Variants in SLC30A8 observed in about 807,000 individuals in gnomAD.
The protein encoded by SLC30A8 is solute carrier family 30 member 8, also known as proton-coupled zinc antiporter SLC30A8.
Under a neutral mutation model 36.9 loss-of-function variants are expected in SLC30A8, and 27 were observed. That is an observed-to-expected ratio of 0.73 (90% confidence interval 0.54 to 1.01). The LOEUF is 1.01. SLC30A8 is among the 50% of genes least tolerant of loss of function. The probability of loss-of-function intolerance (pLI) is 0.00; values close to 1 mark genes in which losing one functional copy is unlikely to be tolerated. For synonymous variants in SLC30A8, 164 were observed against 172.4 expected, an observed-to-expected ratio of 0.95 and a Z score of 0.38; for missense variants, 439 against 452.0, an observed-to-expected ratio of 0.97 and a Z score of 0.26.
chr8:116,977,520 T>G (rs1194211885), intron 1 of SLC30A8, among the ~76,000 whole-genome samples: 4 of 148,218 alleles, frequency 2.7e-5, no homozygotes, highest in African/African-American at 1.0e-4. Flanking sequence ...CTTTTTTTTT[T>G]TTTTTTTTTG....
chr8:117,053,575 T>C (rs1374597963), intron 2 of SLC30A8, among the ~76,000 whole-genome samples: 1 of 152,210 alleles, frequency 6.6e-6, no homozygotes, highest in East Asian at 1.9e-4. Flanking sequence ...TCTATTATAA[T>C]AGTCTTTATT....
intron 2 of SLC30A8, among the ~76,000 whole-genome samples, chr8:117,051,823 A>T (rs1256851873): frequency 6.6e-6 from 1 of 151,786 alleles, no homozygotes; most frequent in African/African-American, 2.4e-5. Context: ...AAAATAAAAA[A>T]AAATAAAAAA....
At chr8:116,950,518 G>T, upstream of SLC30A8, 1 of 152,344 alleles carries the variant, frequency 6.6e-6, no homozygotes. Context: ...GGAAGCAGTG[G>T]GGATGAAATA....
chr8:117,031,614 C>T (rs1817052781), intron 1 of SLC30A8, among the ~76,000 whole-genome samples: 1 of 152,050 alleles, frequency 6.6e-6, no homozygotes, highest in Non-Finnish European at 1.5e-5. Flanking sequence ...GCATGCACCA[C>T]CACACCCAGC....
rs530346683 is a variant in SLC30A8 at position 117,143,158 on chromosome 8, C to CA, written c.72-3789dup. ...ATAGAAGCAAAGTTCTACCACTCAACAAAAAAACATTAAAAAATAAAAGCT... is the reference window on the plus strand; with the variant it reads ...ATAGAAGCAAAGTTCTACCACTCAACAAAAAAAACATTAAAAAATAAAAGCT... On this transcript the variant is annotated intron_variant, in intron 1 of 7. Transcript: ENST00000456015. Among the ~76,000 whole-genome samples the CA allele has an allele frequency of 3.7e-3, 560 of 151,622 alleles. 1 individual carries two copies. Among genetic ancestry groups the CA allele is most frequent in the African/African-American group, 0.013 (523 of 41,406 alleles).
chr8:117,164,653 A>T (rs1054970488), intron 6 of SLC30A8, among the ~76,000 whole-genome samples: 7 of 152,138 alleles, frequency 4.6e-5, no homozygotes, highest in Non-Finnish European at 1.0e-4. Flanking sequence ...TTATTCAAAA[A>T]ATTACACAGA....
At chr8:117,116,780 CAA>C in intron 2 of SLC30A8, among the ~76,000 whole-genome samples, 1 of 152,002 alleles carries the variant, frequency 6.6e-6, no homozygotes, top group East Asian at 1.9e-4. Context: ...AGTTTACACT[CAA>C]GTGTCCATAG....
At chr8:117,157,873 GC>G in intron 4 of SLC30A8, 29 bp downstream of exon 4, 2 of 1,609,954 alleles carry the variant, frequency 1.2e-6, no homozygotes, top group Admixed American at 3.3e-5. Context: ...CCCACACACT[GC>G]TCATGAGGCT....
rs140639970 is a variant in SLC30A8 at position 117,147,203 on chromosome 8, C to A, written c.271+50C>A. On this transcript the variant is annotated intron_variant, in intron 2 of 7. Transcript: ENST00000456015. ...CATTAAACAACCAAACAAAACTCTG[C>A]ATCATTATGGGAGGGTTACCTAAGT... is the stretch of plus-strand genomic sequence containing the variant. 6.2e-4 allele frequency: 949 copies of A among 1,526,976 alleles called. 8 individuals are homozygous for A. The Admixed American group carries it at 0.014, about 23-fold the overall frequency. 94.6% of individuals were successfully genotyped at this position (1,526,976 alleles called of 1,614,324 possible).
chr8:117,157,291 TA>T (rs1822543374), intron 3 of SLC30A8, among the ~76,000 whole-genome samples: 1 of 152,212 alleles, frequency 6.6e-6, no homozygotes, highest in Non-Finnish European at 1.5e-5. Flanking sequence ...GTAAATTTTT[TA>T]TGGCAAAATT....
At chr8:117,010,316 C>T (rs1816304457) in intron 1 of SLC30A8, among the ~76,000 whole-genome samples, 1 of 152,088 alleles carries the variant, frequency 6.6e-6, no homozygotes, top group Admixed American at 6.6e-5. Context: ...GTTGTGAGTC[C>T]TCAGCAGACA....
intron 2 of SLC30A8, among the ~76,000 whole-genome samples, chr8:117,093,093 A>C (rs778869199): frequency 1.7e-4 from 26 of 151,916 alleles, no homozygotes; most frequent in Non-Finnish European, 2.9e-4. Flanking sequence ...AAAGAACAGG[A>C]TCTTACTTAC....
chr8:117,063,994 A>G (rs1284173187), intron 2 of SLC30A8, among the ~76,000 whole-genome samples: 1 of 150,182 alleles, frequency 6.7e-6, no homozygotes, highest in Non-Finnish European at 1.5e-5. Flanking sequence ...GCTACCTTAG[A>G]AAAAAATCCT....
At chr8:117,141,284 T>C (rs1019319405) in intron 1 of SLC30A8, among the ~76,000 whole-genome samples, 2 of 152,092 alleles carry the variant, frequency 1.3e-5, no homozygotes, top group Admixed American at 6.6e-5. Context: ...TTGAAAAGAC[T>C]AATGAACTGA....
intron 2 of SLC30A8, among the ~76,000 whole-genome samples, chr8:117,105,147 G>A (rs551068603): frequency 5.9e-5 from 9 of 152,156 alleles, no homozygotes; most frequent in Admixed American, 5.9e-4. Flanking sequence ...GACTTAGAAT[G>A]TCTAACCTCC....
At chr8:117,009,743 A>C (rs1425160892) in intron 1 of SLC30A8, among the ~76,000 whole-genome samples, 1 of 152,236 alleles carries the variant, frequency 6.6e-6, no homozygotes, top group Non-Finnish European at 1.5e-5. Flanking sequence ...AATATGATGA[A>C]GGCCTTCTTC....
chr8:116,968,648 A>AAGATAT (rs1554619407), intron 1 of SLC30A8, among the ~76,000 whole-genome samples: 3 of 149,306 alleles, frequency 2.0e-5, no homozygotes, highest in African/African-American at 7.4e-5. Flanking sequence ...CATGACAATG[A>AAGATAT]ATATATATAT....
At chr8:117,066,686 C>G (rs1480862165) in intron 2 of SLC30A8, among the ~76,000 whole-genome samples, 1 of 152,042 alleles carries the variant, frequency 6.6e-6, no homozygotes, top group Non-Finnish European at 1.5e-5. Flanking sequence ...ATCCAATCAT[C>G]TCATAGTGCT....
At chr8:117,115,721 G>C (rs1486337778) in intron 2 of SLC30A8, among the ~76,000 whole-genome samples, 1 of 152,034 alleles carries the variant, frequency 6.6e-6, no homozygotes, top group Non-Finnish European at 1.5e-5. Context: ...GAGGGTGAAG[G>C]ATTAGGAGCC....
Sources: gnomAD v4.1 joint callset for allele counts (sites outside exome capture counted in the v4.1 genomes callset) on GRCh38, gnomAD v4.1.1 for gene constraint, MANE v1.5 for transcripts, NCBI Gene and HGNC (gene_info 2026-07-23, HGNC 2026-07-21) for gene names.